The following DYNC2H1 variants were observed in gnomAD, a reference collection of about 807,000 sequenced individuals.
DYNC2H1 encodes cytoplasmic dynein 2 heavy chain 1.
A neutral mutation model predicts 570.0 loss-of-function variants in DYNC2H1; 410 were observed. That is an observed-to-expected ratio of 0.72 (90% confidence interval 0.66 to 0.78). The LOEUF is 0.78. Ranked by LOEUF, DYNC2H1 falls within the 30% of genes least tolerant of loss-of-function variation. The probability of loss-of-function intolerance (pLI) is 0.00; values close to 1 mark genes in which losing one functional copy is unlikely to be tolerated. For missense variants in DYNC2H1, 4,865 were observed against 5,046.4 expected, an observed-to-expected ratio of 0.96 and a Z score of 1.09; for synonymous variants, 1,688 against 1,677.6, an observed-to-expected ratio of 1.01 and a Z score of -0.15.
Position 103,189,498 on chromosome 11 carries a change from G to A in DYNC2H1, c.7293-174G>A, listed in dbSNP as rs923155479. Among the ~76,000 whole-genome samples, 17 of 152,238 alleles carry A rather than the reference G, an allele frequency of 1.1e-4. No homozygotes were observed. Among genetic ancestry groups the A allele is most frequent in the Admixed American group, 5.9e-4 (9 of 15,280 alleles). On this transcript the variant is annotated intron_variant, in intron 44 of 88. Coordinates refer to ENST00000375735, the MANE Select transcript of DYNC2H1 (RefSeq NM_001377.3). The surrounding 1 kb of genome is among the most constrained non-coding windows in gnomAD (Gnocchi z 4.3). ...AGATATTTCGGGATCGAATTTGGTTGAAATGAGAATGGATCGGGGCGATGA... is the reference window on the plus strand; with the variant it reads ...AGATATTTCGGGATCGAATTTGGTTAAAATGAGAATGGATCGGGGCGATGA...
intron 1 of DYNC2H1, among the ~76,000 whole-genome samples, chr11:103,112,803 G>A (rs1858176968): frequency 6.6e-6 from 1 of 152,166 alleles, no homozygotes; most frequent in South Asian, 2.1e-4. Flanking sequence ...AACTGAGAAT[G>A]TGTGTATAAT....
intron 83 of DYNC2H1, among the ~76,000 whole-genome samples, chr11:103,377,478 A>G (rs1247806034): frequency 6.6e-6 from 1 of 152,056 alleles, no homozygotes; most frequent in African/African-American, 2.4e-5. Flanking sequence ...CGTACATAAT[A>G]TTTACTAAAA....
intron 82 of DYNC2H1, among the ~76,000 whole-genome samples, chr11:103,344,980 C>T (rs1238193091): frequency 1.3e-5 from 2 of 148,548 alleles, no homozygotes; most frequent in South Asian, 2.2e-4. Flanking sequence ...TTGTTTAAAA[C>T]TCTTTTTGTG....
intron 76 of DYNC2H1, among the ~76,000 whole-genome samples, chr11:103,303,877 A>G (rs1319022886): frequency 2.0e-5 from 3 of 152,114 alleles, no homozygotes; most frequent in Non-Finnish European, 4.4e-5. Flanking sequence ...TATTTTTAAA[A>G]TTTTACTTGG....
chr11:103,323,121 G>GT (rs1435795823), intron 81 of DYNC2H1, among the ~76,000 whole-genome samples: 1 of 152,206 alleles, frequency 6.6e-6, no homozygotes, highest in African/African-American at 2.4e-5. Flanking sequence ...ACACGGTTTA[G>GT]ATGCACGTGC....
intron 63 of DYNC2H1, among the ~76,000 whole-genome samples, chr11:103,240,285 G>A (rs140429144): frequency 5.3e-4 from 80 of 152,182 alleles, no homozygotes; most frequent in African/African-American, 1.9e-3. Flanking sequence ...CCAGACTGAA[G>A]ATGTGTCATT....
rs71066138 is a variant in DYNC2H1, at chr11:103,207,242, TAAAAA to T, written c.8454+2281_8454+2285del. Among the ~76,000 whole-genome samples the T allele has an allele frequency of 5.0e-5, 7 of 139,830 alleles. No homozygotes were observed. The East Asian group carries it at 1.0e-3, about 21-fold the overall frequency. 91.7% of individuals were successfully genotyped at this position (139,830 alleles called of 152,430 possible). Reference sequence around the variant, plus strand: ...GGGCCTGTTTTTTTTTTTTTTTTTTTAAAAAAAGATGGGACACACTATAGTATGTT... The same window carrying T: ...GGGCCTGTTTTTTTTTTTTTTTTTTTAAGATGGGACACACTATAGTATGTT... On this transcript the variant is annotated intron_variant, in intron 52 of 88. Transcript: ENST00000375735.
At chr11:103,303,060 T>G (rs1172482448) in intron 75 of DYNC2H1, 33 bp from the exon 76 acceptor site, 3 of 1,384,660 alleles carry the variant, frequency 2.2e-6, no homozygotes, top group African/African-American at 2.9e-5. Flanking sequence ...TGCATACTGC[T>G]TTTATTTTTA....
chr11:103,311,510 C>G (rs3802830), intron 78 of DYNC2H1, among the ~76,000 whole-genome samples: 26,204 of 151,826 alleles, frequency 0.17, 2,456 homozygotes, highest in Admixed American at 0.26. Context: ...GGGAAAGCTG[C>G]TGTATTAAAC....
intron 82 of DYNC2H1, among the ~76,000 whole-genome samples, chr11:103,338,924 G>A (rs985435241): frequency 3.9e-5 from 6 of 152,112 alleles, no homozygotes; most frequent in Non-Finnish European, 7.4e-5. Context: ...ATTTATTTCT[G>A]TCTTTGTGTT....
chr11:103,309,284 C>T (rs1394717597), intron 78 of DYNC2H1, among the ~76,000 whole-genome samples: 1 of 149,116 alleles, frequency 6.7e-6, no homozygotes, highest in African/African-American at 2.5e-5. Flanking sequence ...AAGCAATCCT[C>T]CCACCTCAGC....
intron 60 of DYNC2H1, among the ~76,000 whole-genome samples, chr11:103,232,187 T>A (rs1038033162): frequency 6.6e-6 from 1 of 152,040 alleles, no homozygotes; most frequent in African/African-American, 2.4e-5. Context: ...ATGGCAATGT[T>A]TTGACTTCAT....
Position 103,424,492 on chromosome 11 carries a change from A to G in DYNC2H1, c.12367-11451A>G, listed in dbSNP as rs930216034. 6.6e-5 allele frequency among the ~76,000 whole-genome samples: 10 copies of G among 152,332 alleles called. 1 individual carries two copies. The highest frequency in any genetic ancestry group is 1.5e-5 in the Non-Finnish European group (1 of 68,022). On this transcript the variant is annotated intron_variant, in intron 84 of 88. Transcript: ENST00000375735. ...CCCAAGAGAAACGAAAGCATATGCC[A>G]TACAAATACTTATTTGTGAATGTTC...
chr11:103,255,197 A>G (rs1351916477), intron 66 of DYNC2H1, among the ~76,000 whole-genome samples: 1 of 152,146 alleles, frequency 6.6e-6, no homozygotes, highest in Non-Finnish European at 1.5e-5. Flanking sequence ...CAGCTTTTCT[A>G]CAGTAGTTAA....
chr11:103,434,147 C>G (rs550665235), intron 84 of DYNC2H1, among the ~76,000 whole-genome samples: 34 of 152,118 alleles, frequency 2.2e-4, no homozygotes, highest in African/African-American at 7.7e-4. Context: ...GTTTCCTGCC[C>G]ATAGAAGCCC....
chr11:103,238,428 G>C (rs1864303287), intron 63 of DYNC2H1, among the ~76,000 whole-genome samples: 1 of 151,996 alleles, frequency 6.6e-6, no homozygotes, highest in Admixed American at 6.6e-5. Context: ...AATTAGCTGG[G>C]CATTTTGTCA....
chr11:103,433,947 C>T (rs1442283631), intron 84 of DYNC2H1, among the ~76,000 whole-genome samples: 1 of 152,110 alleles, frequency 6.6e-6, no homozygotes, highest in Non-Finnish European at 1.5e-5. Context: ...GAAAGGCTAA[C>T]GTCCTTAGCA....
chr11:103,333,512 C>A (rs888095802), intron 82 of DYNC2H1, among the ~76,000 whole-genome samples: 1 of 152,180 alleles, frequency 6.6e-6, no homozygotes, highest in African/African-American at 2.4e-5. Flanking sequence ...GATCCTCCCA[C>A]CTCAACCTCC....
At chr11:103,113,941 CT>C (rs1858243072) in intron 2 of DYNC2H1, among the ~76,000 whole-genome samples, 161 bp from the exon 3 acceptor site, 1 of 152,040 alleles carries the variant, frequency 6.6e-6, no homozygotes, top group African/African-American at 2.4e-5. Context: ...ACATTAAATG[CT>C]TTTCATAGTT....
Sources: gnomAD v4.1 joint callset for allele counts (sites outside exome capture counted in the v4.1 genomes callset) on GRCh38, gnomAD v4.1.1 for gene constraint, Gnocchi (gnomAD v3.1) non-coding constraint, MANE v1.5 for transcripts, NCBI Gene and HGNC (gene_info 2026-07-23, HGNC 2026-07-21) for gene names.